The following PRKN variants were observed in gnomAD, a reference collection of about 807,000 sequenced individuals.
PRKN encodes parkin RBR E3 ubiquitin protein ligase, also known as E3 ubiquitin-protein ligase parkin.
A neutral mutation model predicts 59.5 loss-of-function variants in PRKN; 56 were observed. That is an observed-to-expected ratio of 0.94 (90% CI 0.76 to 1.18). The LOEUF (loss-of-function observed/expected upper bound fraction) is 1.18. PRKN is among the 50% of genes most tolerant of loss of function. The pLI, the probability that PRKN is intolerant of heterozygous loss-of-function variation, is 0.00. For synonymous variants in PRKN, 250 were observed against 222.1 expected, an observed-to-expected ratio of 1.13 and a Z score of -1.12; for missense variants, 657 against 596.4, an observed-to-expected ratio of 1.10 and a Z score of -1.06.
chr6:162,573,430 A>G (rs1263494733), intron 1 of PRKN, among the ~76,000 whole-genome samples: 2 of 151,920 alleles, frequency 1.3e-5, no homozygotes, highest in Non-Finnish European at 2.9e-5. Flanking sequence ...CCTGAGGATC[A>G]TAACACCTTC....
At chr6:162,492,549 A>G (rs1792863002) in intron 1 of PRKN, among the ~76,000 whole-genome samples, 1 of 152,218 alleles carries the variant, frequency 6.6e-6, no homozygotes, top group African/African-American at 2.4e-5. Context: ...TTGTAATTCC[A>G]GCACTTTGGG....
intron 9 of PRKN, among the ~76,000 whole-genome samples, chr6:161,492,961 C>T (rs181291945): frequency 2.0e-4 from 31 of 152,280 alleles, no homozygotes; most frequent in Admixed American, 5.2e-4. Flanking sequence ...GCAGGCTGTA[C>T]AGACCATTTT....
At chr6:161,940,922 G>T (rs900358152) in intron 6 of PRKN, among the ~76,000 whole-genome samples, 3 of 152,052 alleles carry the variant, frequency 2.0e-5, no homozygotes, top group African/African-American at 7.2e-5. Context: ...GGTTCTCCCC[G>T]CACACACCAT....
chr6:161,515,766 C>T (rs57074669), intron 9 of PRKN, among the ~76,000 whole-genome samples: 21,607 of 152,224 alleles, frequency 0.14, 1,684 homozygotes, highest in African/African-American at 0.19. Flanking sequence ...TTCACCTCGA[C>T]AGGTCTCAAG....
chr6:162,050,875 T>C (rs1777609799), intron 5 of PRKN, among the ~76,000 whole-genome samples: 1 of 152,114 alleles, frequency 6.6e-6, no homozygotes, highest in Non-Finnish European at 1.5e-5. Context: ...GCCAGGGTAC[T>C]GAACAGCAAG....
At chr6:162,189,725 T>G (rs941931684) in intron 4 of PRKN, among the ~76,000 whole-genome samples, 3 of 151,932 alleles carry the variant, frequency 2.0e-5, no homozygotes, top group Non-Finnish European at 4.4e-5. Flanking sequence ...GTTTATATTT[T>G]TATGATAACA....
chr6:162,195,668 T>G lies in PRKN; in HGVS notation c.534+5463A>C, dbSNP rs1229757961. ...AGAGTGGCAAAGATAAAGTTCTTTT[T>G]GAGATAAAGTAATTACGGTGATTGT... On this transcript the variant is annotated intron_variant, in intron 4 of 11. Coordinates refer to ENST00000366898, the MANE Select transcript of PRKN (RefSeq NM_004562.3). 2.0e-5 allele frequency among the ~76,000 whole-genome samples: 3 copies of G among 152,072 alleles called. No individual in the cohort carries two copies. In the East Asian group the frequency reaches 5.8e-4, roughly 29 times the overall value.
intron 3 of PRKN, among the ~76,000 whole-genome samples, chr6:162,203,586 C>T (rs545543639): frequency 5.9e-5 from 9 of 152,232 alleles, no homozygotes; most frequent in African/African-American, 9.6e-5. Flanking sequence ...AATAACACCC[C>T]GACAATCTTC....
At chr6:161,650,816 T>C (rs1323082130) in intron 7 of PRKN, among the ~76,000 whole-genome samples, 1 of 152,198 alleles carries the variant, frequency 6.6e-6, no homozygotes, top group Non-Finnish European at 1.5e-5. Flanking sequence ...GTTTACTAAA[T>C]GCACAGTGAA....
intron 6 of PRKN, among the ~76,000 whole-genome samples, chr6:161,926,207 G>A (rs989992577): frequency 2.0e-5 from 3 of 152,158 alleles, no homozygotes; most frequent in Non-Finnish European, 4.4e-5. Context: ...AAAGGCAGTC[G>A]GTGAGGGAGA....
At position 161,362,073 on chromosome 6, in the gene PRKN, G is replaced by T. The variant is rs1784996622; in HGVS notation, c.1168-1868C>A. Among the ~76,000 whole-genome samples the T allele has an allele frequency of 6.6e-6, 1 of 152,166 alleles. No individual in the cohort carries two copies. The highest frequency in any genetic ancestry group is 1.5e-5 in the Non-Finnish European group (1 of 68,036). On this transcript the variant is annotated intron_variant, in intron 10 of 11. Coordinates refer to ENST00000366898, the MANE Select transcript of PRKN (RefSeq NM_004562.3). This position sits in a 1 kb window ranked among gnomAD's most constrained non-coding sequence, Gnocchi z 5.2. ...TCTGCAGCAATGGTTTAGATTGCTTGTTGGTGGCAAGTTGGTAAGTCATAC... is the reference window on the plus strand; with the variant it reads ...TCTGCAGCAATGGTTTAGATTGCTTTTTGGTGGCAAGTTGGTAAGTCATAC...
At chr6:162,001,914 T>C (rs1287322319) in intron 5 of PRKN, among the ~76,000 whole-genome samples, 4 of 150,672 alleles carry the variant, frequency 2.7e-5, no homozygotes, top group Non-Finnish European at 4.4e-5. Context: ...TTTCTGCATC[T>C]ACTGATATGG....
intron 9 of PRKN, among the ~76,000 whole-genome samples, chr6:161,481,082 A>G (rs913524639): frequency 9.2e-5 from 14 of 152,368 alleles, no homozygotes; most frequent in African/African-American, 3.4e-4. Flanking sequence ...ACATTGGCAT[A>G]TTCCAGTCAA....
intron 5 of PRKN, among the ~76,000 whole-genome samples, chr6:162,012,151 T>C (rs1270775398): frequency 5.3e-5 from 8 of 152,126 alleles, no homozygotes. Context: ...ATGTCAGCCT[T>C]AGTCTGATGC....
At position 162,079,441 on chromosome 6, in the gene PRKN, T is replaced by C. The variant is rs142611691; in HGVS notation, c.535-25267A>G. On this transcript the variant is annotated intron_variant, in intron 4 of 11. Coordinates refer to ENST00000366898, the MANE Select transcript of PRKN (RefSeq NM_004562.3). ...GCCAGCATCTTATTTTGATACATCA[T>C]ACTCCCTTTTGGATGACTGCAGTAA... is the stretch of plus-strand genomic sequence containing the variant. 3.0e-4 allele frequency among the ~76,000 whole-genome samples: 45 copies of C among 152,264 alleles called. No individual in the cohort carries two copies. In the East Asian group the frequency reaches 7.5e-3, roughly 25 times the overall value.
At chr6:162,117,331 T>C (rs897171091) in intron 4 of PRKN, among the ~76,000 whole-genome samples, 15 of 152,316 alleles carry the variant, frequency 9.8e-5, no homozygotes, top group Admixed American at 4.6e-4. Flanking sequence ...GACATATGCT[T>C]GCAGTCTACT....
chr6:162,490,721 T>C (rs1421015425), intron 1 of PRKN, among the ~76,000 whole-genome samples: 2 of 152,150 alleles, frequency 1.3e-5, no homozygotes, highest in Non-Finnish European at 2.9e-5. Flanking sequence ...ATGGACAACT[T>C]TCACATATCC....
chr6:162,522,957 T>A (rs1778134553), intron 1 of PRKN, among the ~76,000 whole-genome samples: 1 of 152,182 alleles, frequency 6.6e-6, no homozygotes, highest in Admixed American at 6.5e-5. Context: ...CTCTTGCTCC[T>A]CAAATTTTCC....
intron 1 of PRKN, among the ~76,000 whole-genome samples, chr6:162,593,286 AG>A (rs1781378322): frequency 1.3e-5 from 2 of 152,330 alleles, no homozygotes; most frequent in South Asian, 4.1e-4. Flanking sequence ...AGAAAAATTT[AG>A]GTTCACTAAT....
Sources: allele counts gnomAD v4.1 joint callset (sites outside exome capture counted in the v4.1 genomes callset), GRCh38; gene constraint gnomAD v4.1.1; non-coding constraint Gnocchi (gnomAD v3.1); transcripts MANE v1.5; gene names NCBI Gene and HGNC (gene_info 2026-07-23, HGNC 2026-07-21).